KIAA2012: variants seen among roughly 807,000 people sequenced by gnomAD.
The protein encoded by KIAA2012 is KIAA2012.
In KIAA2012, 125 loss-of-function variants were observed where a neutral mutation model predicts 150.6. The ratio of observed to expected loss-of-function variants is 0.83; its 90% confidence interval spans 0.72 to 0.96. KIAA2012 has a LOEUF of 0.96. Ranked by LOEUF, KIAA2012 falls within the 40% of genes least tolerant of loss-of-function variation. The pLI is 0.00. For missense variants in KIAA2012, 1,219 were observed against 1,354.9 expected (o/e 0.90, Z 1.57); for synonymous variants, 462 against 504.7 (o/e 0.92, Z 1.13).
intron 12 of KIAA2012, among the ~76,000 whole-genome samples, chr2:202,134,755 A>G (rs1162060038): frequency 1.3e-5 from 2 of 152,048 alleles, no homozygotes; most frequent in African/African-American, 4.8e-5. Context: ...GGGTTTCACC[A>G]TGTTGGCCAG....
chr2:202,144,267 C>A (rs183389395), intron 13 of KIAA2012, among the ~76,000 whole-genome samples: 1 of 152,298 alleles, frequency 6.6e-6, no homozygotes, highest in African/African-American at 2.4e-5. Flanking sequence ...CCTTTCTTCA[C>A]TTCTGTTTCA....
intron 10 of KIAA2012, among the ~76,000 whole-genome samples, chr2:202,112,857 A>C (rs16838855): frequency 0.032 from 4,945 of 152,272 alleles, 257 homozygotes; most frequent in African/African-American, 0.11. Context: ...TCTTGACCTG[A>C]GCCCCTGGCA....
In KIAA2012 at chr2:202,199,395, C is replaced by A. The variant is rs1253339175; in HGVS notation, c.3407+2376C>A. Reference sequence around the variant, plus strand: ...TCAAGAGATTTGTGCCTCAGCCTCCCAAGTAGCTGGGAGTACAGCCACGGG... The same window carrying A: ...TCAAGAGATTTGTGCCTCAGCCTCCAAAGTAGCTGGGAGTACAGCCACGGG... On this transcript the variant is annotated intron_variant, in intron 22 of 23. Transcript: ENST00000498697. 2.0e-5 allele frequency among the ~76,000 whole-genome samples: 3 copies of A among 152,252 alleles called. No homozygotes were observed. In the South Asian group the frequency reaches 6.2e-4, roughly 32 times the overall value.
chr2:202,099,129 A>T (rs1689976832), intron 5 of KIAA2012, among the ~76,000 whole-genome samples: 1 of 152,052 alleles, frequency 6.6e-6, no homozygotes, highest in Non-Finnish European at 1.5e-5. Flanking sequence ...CTGGGACTAC[A>T]GGTGTGTGCC....
At chr2:202,117,184 C>G (rs1362386495) in intron 11 of KIAA2012, 1 of 152,208 alleles carries the variant, frequency 6.6e-6, no homozygotes, top group African/African-American at 2.4e-5. Flanking sequence ...TTTTAGGTTT[C>G]AGGATCATTT....
rs561093569 is a variant in KIAA2012 at position 202,190,343 on chromosome 2, C to G, written c.2661C>G (p.Asp887Glu). The G allele has an allele frequency of 1.3e-6, 2 of 1,550,660 alleles. No homozygotes were observed. Among genetic ancestry groups the G allele is most frequent in the East Asian group, 4.9e-5 (2 of 40,918 alleles). The part of the protein sequence containing the change: ...DTSNRGSFAS[D>E]SFVEDPWLSP... ...CAAATAGAGGTTCCTTTGCCTCAGA[C>G]TCCTTTGTAGAGGACCCTTGGCTTT... Residue 887 changes from aspartate to glutamate, a missense_variant, in exon 19 of 24, where the codon GAC becomes GAG. Transcript: ENST00000498697.
chr2:202,132,810 T>TTTTTTTTCAGGCCAGGCACAGTGGC (rs1690981454), intron 12 of KIAA2012, among the ~76,000 whole-genome samples: 1 of 137,458 alleles, frequency 7.3e-6, no homozygotes, highest in African/African-American at 2.7e-5. Context: ...ATATTTTTTT[T>TTTTTTTTCAGGCCAGGCACAGTGGC]TTCAGGCCAG....
At chr2:202,144,750 G>A (rs891753075) in intron 13 of KIAA2012, among the ~76,000 whole-genome samples, 14 of 152,150 alleles carry the variant, frequency 9.2e-5, no homozygotes, top group African/African-American at 3.1e-4. Flanking sequence ...CCAGCACTTT[G>A]GGAGGCCAAG....
intron 11 of KIAA2012, among the ~76,000 whole-genome samples, chr2:202,124,435 G>T (rs1158621824): frequency 6.6e-6 from 1 of 151,988 alleles, no homozygotes; most frequent in Admixed American, 6.6e-5. Flanking sequence ...TGTCTTTTTG[G>T]CTAGAATCAG....
At chr2:202,203,870 C>T (rs1234265986) in intron 23 of KIAA2012, among the ~76,000 whole-genome samples, 5 of 151,482 alleles carry the variant, frequency 3.3e-5, no homozygotes, top group Admixed American at 2.0e-4. Context: ...CCCGGGTTCA[C>T]GCCATTCTTC....
chr2:202,196,028 C>T (rs534475496), intron 21 of KIAA2012, among the ~76,000 whole-genome samples: 31 of 152,166 alleles, frequency 2.0e-4, no homozygotes, highest in Admixed American at 1.0e-3. Context: ...CATCTCCTCT[C>T]CTTTGGATAT....
chr2:202,151,529 C>T (rs1386245742), intron 13 of KIAA2012, among the ~76,000 whole-genome samples: 1 of 152,118 alleles, frequency 6.6e-6, no homozygotes, highest in Non-Finnish European at 1.5e-5. Flanking sequence ...CTCCTCAGAG[C>T]AGCCTCCTCT....
chr2:202,109,922 A>G, intron 10 of KIAA2012, 133 bp downstream of exon 10: 1 of 775,494 alleles, frequency 1.3e-6, no homozygotes, highest in Non-Finnish European at 2.0e-6. Flanking sequence ...ACTGTTTCTG[A>G]TGATGTCAGT....
intron 17 of KIAA2012, among the ~76,000 whole-genome samples, chr2:202,187,593 C>CTGG (rs1692255484): frequency 6.6e-6 from 1 of 152,186 alleles, no homozygotes. Flanking sequence ...AGGCGTGAGC[C>CTGG]ACTGCACCTG....
chr2:202,151,307 G>T (rs1691421764), intron 13 of KIAA2012, among the ~76,000 whole-genome samples: 1 of 152,144 alleles, frequency 6.6e-6, no homozygotes, highest in African/African-American at 2.4e-5. Context: ...TAAAGGAGGA[G>T]AATTGCTTGA....
At chr2:202,099,544 T>C (rs1689987545) in intron 5 of KIAA2012, 69 bp from the exon 6 acceptor site, 1 of 1,286,362 alleles carries the variant, frequency 7.8e-7, no homozygotes, top group Non-Finnish European at 1.1e-6. Context: ...CCACAAGGGC[T>C]GTTAAAGAAA....
chr2:202,105,960 A>G (rs941855554), intron 9 of KIAA2012, 50 bp downstream of exon 9: 8 of 1,550,488 alleles, frequency 5.2e-6, no homozygotes, highest in Non-Finnish European at 7.0e-6. Flanking sequence ...CTCTGAAGGG[A>G]AGCAAGGCAA....
Position 202,090,850 on chromosome 2 carries a change from A to G in KIAA2012, c.450A>G (p.Pro150=), listed in dbSNP as rs1359700564. ...GCCAGGCCCAACGGCAGATCCAGCC[A>G]GGGCATTCAGCCAAGAGATACCTCC... The part of the protein sequence containing the change: ...LESQAQRQIQ[P]GHSAKRYLRG... The change falls in exon 3 of 24, where the codon CCA becomes CCG. Residue 150 remains proline (P), a synonymous_variant. Transcript: ENST00000498697. The G allele has an allele frequency of 1.3e-6, 2 of 1,550,608 alleles. No individual in the cohort carries two copies. The highest frequency in any genetic ancestry group is 1.7e-6 in the Non-Finnish European group (2 of 1,146,982).
intron 4 of KIAA2012, among the ~76,000 whole-genome samples, chr2:202,096,619 G>T (rs13406645): frequency 0.25 from 38,181 of 152,050 alleles, 6,615 homozygotes; most frequent in African/African-American, 0.5. Context: ...GAAGCAGCTC[G>T]CAGAAGTCTT....
Sources: allele counts gnomAD v4.1 joint callset (sites outside exome capture counted in the v4.1 genomes callset), GRCh38; gene constraint gnomAD v4.1.1; transcripts MANE v1.5; gene names NCBI Gene and HGNC (gene_info 2026-07-23, HGNC 2026-07-21).